KCNE4: variants seen among roughly 807,000 people sequenced by gnomAD.
KCNE4 encodes potassium voltage-gated channel subfamily E member 4.
Under a neutral mutation model 9.2 loss-of-function variants are expected in KCNE4, and 6 were observed. That is an observed-to-expected ratio of 0.65 (90% CI 0.36 to 1.29). The LOEUF (loss-of-function observed/expected upper bound fraction) is 1.29. Ranked by LOEUF, KCNE4 falls within the 50% of genes most tolerant of loss-of-function variation. The pLI, the probability that KCNE4 is intolerant of heterozygous loss-of-function variation, is 0.03. For synonymous variants in KCNE4, 115 were observed against 103.2 expected (o/e 1.11, Z -0.70); for missense variants, 222 against 228.8 (o/e 0.97, Z 0.19).
Position 223,053,124 on chromosome 2 carries a change from G to A in KCNE4, c.294G>A (p.Val98=), listed in dbSNP as rs528501802. Residue 98 remains valine (V), a synonymous_variant, in exon 2 of 2, where the codon GTG becomes GTA. Coordinates refer to ENST00000281830, the MANE Select transcript of KCNE4 (RefSeq NM_080671.4). The surrounding 1 kb of genome is among the most constrained non-coding windows in gnomAD (Gnocchi z 4.1). ...TGTCGGGCCTGAGGTCGGTGCAGGT[G>A]CCCCTGATGCTGAACATGCTGCAGG... ...PVVSGLRSVQ[V]PLMLNMLQES... 2.5e-6 allele frequency: 4 copies of A among 1,613,128 alleles called. No homozygotes were observed. Among genetic ancestry groups the A allele is most frequent in the South Asian group, 2.2e-5 (2 of 91,052 alleles).
chr2:223,053,156 T>C lies in KCNE4; in HGVS notation c.326T>C (p.Val109Ala). The change falls in exon 2 of 2, where the codon GTG becomes GCG. Residue 109 changes from valine to alanine, a missense_variant. Transcript: ENST00000281830. This position sits in a 1 kb window ranked among gnomAD's most constrained non-coding sequence, Gnocchi z 4.1. ...ATGCTGAACATGCTGCAGGAGAGCG[T>C]GGCGCCCGCGCTGTCCTGCACCCTC... ...PLMLNMLQES[V>A]APALSCTLCS... The C allele has an allele frequency of 2.5e-6, 4 of 1,611,642 alleles. No individual in the cohort carries two copies. Among genetic ancestry groups the C allele is most frequent in the Non-Finnish European group, 3.4e-6 (4 of 1,178,422 alleles).
At chr2:223,052,396 T>A in intron 1 of KCNE4, 122 bp downstream of exon 1, 1 of 787,030 alleles carries the variant, frequency 1.3e-6, no homozygotes, top group Non-Finnish European at 1.7e-6. Context: ...AAGGAAACAT[T>A]GTTTTGAATT....
chr2:223,055,259 G>A lies in KCNE4; in HGVS notation c.*1916G>A, dbSNP rs1396196506. On this transcript the variant is annotated 3_prime_UTR_variant, in exon 2 of 2. Coordinates refer to ENST00000281830, the MANE Select transcript of KCNE4 (RefSeq NM_080671.4). ...TAACAGTGTAGGAGCTGGTTTATCA[G>A]TCCGCTTTGACATACAGCTAAAGGA... is the stretch of plus-strand genomic sequence containing the variant. 6.0e-6 allele frequency: 1 copy of A among 166,912 alleles called. No individual in the cohort carries two copies. Among genetic ancestry groups the A allele is most frequent in the African/African-American group, 2.4e-5 (1 of 41,372 alleles). The allele number at this position is 166,912 out of a possible 1,614,324, so 10.3% of individuals were successfully genotyped here.
rs1240303933 is a variant in KCNE4, at chr2:223,053,320, G to T, written c.490G>T (p.Glu164Ter). Residue 164 changes from glutamate (E) to a stop codon, truncating the protein, a stop_gained, in exon 2 of 2, where the codon GAG becomes TAG. Coordinates refer to ENST00000281830, the MANE Select transcript of KCNE4 (RefSeq NM_080671.4). LOFTEE classifies it high-confidence loss of function. This position sits in a 1 kb window ranked among gnomAD's most constrained non-coding sequence, Gnocchi z 4.1. ...PLNESSEGSS[E>*]NIHQNS ...CAACGAGAGCAGCGAAGGGTCCTCG[G>T]AGAACATCCATCAGAATTCCTAGCA... is the stretch of plus-strand genomic sequence containing the variant. 2 of 1,613,854 alleles carry T rather than the reference G, an allele frequency of 1.2e-6. No individual in the cohort carries two copies.
Position 223,055,623 on chromosome 2 carries a change from CTGGGAA to C in KCNE4, c.*2281_*2286del, listed in dbSNP as rs1698755874. The C allele has an allele frequency of 6.2e-6, 1 of 161,456 alleles. No individual in the cohort carries two copies. The highest frequency in any genetic ancestry group is 1.5e-5 in the Non-Finnish European group (1 of 68,044). 10.0% of individuals were successfully genotyped at this position (161,456 alleles called of 1,614,324 possible). ...AATAAATAAACACATTTTTTCCCTC[CTGGGAA>C]GTCATGAATTCTTTGTTTGATTTTT... is the stretch of plus-strand genomic sequence containing the variant. On this transcript the variant is annotated 3_prime_UTR_variant, in exon 2 of 2. Coordinates refer to ENST00000281830, the MANE Select transcript of KCNE4 (RefSeq NM_080671.4).
intron 1 of KCNE4, 65 bp from the exon 2 acceptor site, chr2:223,052,743 G>C: frequency 6.4e-7 from 1 of 1,560,654 alleles, no homozygotes; most frequent in South Asian, 1.1e-5. Flanking sequence ...CACAAACCTC[G>C]TGCTCCCCCA....
At position 223,053,226 on chromosome 2, in the gene KCNE4, G is replaced by A. The variant is rs1304657160; in HGVS notation, c.396G>A (p.Pro132=). 1.2e-5 allele frequency: 20 copies of A among 1,613,712 alleles called. No homozygotes were observed. The highest frequency in any genetic ancestry group is 1.7e-5 in the Non-Finnish European group (20 of 1,179,964). The stretch of plus-strand genomic sequence containing the variant: ...GCGTGAGCTCCGAGTCCTCCTCCCC[G>A]GACGTGCACCTCACCATTCAGGAGG... ...GDSVSSESSS[P]DVHLTIQEEG... is the part of the protein sequence containing the mutation. Residue 132 remains proline, a synonymous_variant, in exon 2 of 2, where the codon CCG becomes CCA. Coordinates refer to ENST00000281830, the MANE Select transcript of KCNE4 (RefSeq NM_080671.4). The surrounding 1 kb of genome is among the most constrained non-coding windows in gnomAD (Gnocchi z 4.1).
rs1159984685 is a variant in KCNE4 at position 223,054,136 on chromosome 2, T to G, written c.*793T>G. Reference sequence around the variant, plus strand: ...CTCTTCCTGATCTTTCTAGAAGGGGTAAAGTGGGGTTGAACAAGGCCAAGC... The same window carrying G: ...CTCTTCCTGATCTTTCTAGAAGGGGGAAAGTGGGGTTGAACAAGGCCAAGC... On this transcript the variant is annotated 3_prime_UTR_variant, in exon 2 of 2. Coordinates refer to ENST00000281830, the MANE Select transcript of KCNE4 (RefSeq NM_080671.4). 6.0e-6 allele frequency: 1 copy of G among 166,756 alleles called. No homozygotes were observed. The highest frequency in any genetic ancestry group is 1.5e-5 in the Non-Finnish European group (1 of 68,094). The allele number at this position is 166,756 out of a possible 1,614,324, so 10.3% of individuals were successfully genotyped here.
chr2:223,053,789 G>C lies in KCNE4; in HGVS notation c.*446G>C, dbSNP rs115902079. On this transcript the variant is annotated 3_prime_UTR_variant, in exon 2 of 2. Transcript: ENST00000281830. The surrounding 1 kb of genome is among the most constrained non-coding windows in gnomAD (Gnocchi z 4.1). The stretch of plus-strand genomic sequence containing the variant: ...TTTGTCCTTCTAGATCTGATTGGCT[G>C]TAAGTATCTCTACTGTGTACCTGTG... 1,066 of 216,492 alleles carry C rather than the reference G, an allele frequency of 4.9e-3. 12 individuals are homozygous for C. The highest frequency in any genetic ancestry group is 0.023 in the African/African-American group (1,015 of 44,166). The allele number at this position is 216,492 out of a possible 1,614,324, so 13.4% of individuals were successfully genotyped here.
rs1009226629 is a variant in KCNE4 at position 223,054,481 on chromosome 2, A to C, written c.*1138A>C. 1 of 167,108 alleles carries C rather than the reference A, an allele frequency of 6.0e-6. No individual in the cohort carries two copies. Among genetic ancestry groups the C allele is most frequent in the African/African-American group, 2.4e-5 (1 of 41,456 alleles). The allele number at this position is 167,108 out of a possible 1,614,324, so 10.4% of individuals were successfully genotyped here. ...AGCCTGGTGTGAGGAAGCTTGGACCAAATGCTTCCCCTTTGGCCGGTTAGT... is the reference window on the plus strand; with the variant it reads ...AGCCTGGTGTGAGGAAGCTTGGACCCAATGCTTCCCCTTTGGCCGGTTAGT... On this transcript the variant is annotated 3_prime_UTR_variant, in exon 2 of 2. Transcript: ENST00000281830.
rs1278248007 is a variant in KCNE4, at chr2:223,054,558, A to G, written c.*1215A>G. ...GAGCAGTTGGAGATTCAGAACACAT[A>G]TAACTGGGGAATTCAGGGCAAGCTA... On this transcript the variant is annotated 3_prime_UTR_variant, in exon 2 of 2. Transcript: ENST00000281830. The G allele has an allele frequency of 1.2e-5, 2 of 167,102 alleles. No homozygotes were observed. Among genetic ancestry groups the G allele is most frequent in the African/African-American group, 2.4e-5 (1 of 41,460 alleles). The allele number at this position is 167,102 out of a possible 1,614,324, so 10.4% of individuals were successfully genotyped here. A position where few individuals can be genotyped will look rare whatever the true frequency, so the allele number is the denominator to read the frequency against.
Position 223,053,361 on chromosome 2 carries a change from C to T in KCNE4, c.*18C>T. On this transcript the variant is annotated 3_prime_UTR_variant, in exon 2 of 2. Coordinates refer to ENST00000281830, the MANE Select transcript of KCNE4 (RefSeq NM_080671.4). The surrounding 1 kb of genome is among the most constrained non-coding windows in gnomAD (Gnocchi z 4.1). ...ATTCCTAGCACCCCCGGGACCCCTG[C>T]CGGTGGCTCCATCAGCCAGCAACCT... is the stretch of plus-strand genomic sequence containing the variant. The T allele has an allele frequency of 1.9e-6, 3 of 1,608,238 alleles. No individual in the cohort carries two copies. The highest frequency in any genetic ancestry group is 2.2e-5 in the South Asian group (2 of 90,600).
chr2:223,053,726 C>T lies in KCNE4; in HGVS notation c.*383C>T, dbSNP rs1574612048. 2 of 288,478 alleles carry T rather than the reference C, an allele frequency of 6.9e-6. No individual in the cohort carries two copies. The highest frequency in any genetic ancestry group is 1.4e-5 in the Non-Finnish European group (2 of 138,896). The allele number at this position is 288,478 out of a possible 1,614,324, so 17.9% of individuals were successfully genotyped here. ...AGGGCTGCCGAATGCTTAGGACACG[C>T]TGAGAGACTAGTTGTGATTTGCTAT... is the stretch of plus-strand genomic sequence containing the variant. On this transcript the variant is annotated 3_prime_UTR_variant, in exon 2 of 2. Coordinates refer to ENST00000281830, the MANE Select transcript of KCNE4 (RefSeq NM_080671.4). The surrounding 1 kb of genome is among the most constrained non-coding windows in gnomAD (Gnocchi z 4.1).
At position 223,054,309 on chromosome 2, in the gene KCNE4, G is replaced by C. The variant is rs1698736366; in HGVS notation, c.*966G>C. 1 of 167,064 alleles carries C rather than the reference G, an allele frequency of 6.0e-6. No homozygotes were observed. The highest frequency in any genetic ancestry group is 2.4e-5 in the African/African-American group (1 of 41,442). 10.3% of individuals were successfully genotyped at this position (167,064 alleles called of 1,614,324 possible). A position where few individuals can be genotyped will look rare whatever the true frequency, so the allele number is the denominator to read the frequency against. Reference sequence around the variant, plus strand: ...CTGGGCTCCAAGTTCTGTGCTTCCTGATCCCGAGCCCTGACACTCATTTGC... The same window carrying C: ...CTGGGCTCCAAGTTCTGTGCTTCCTCATCCCGAGCCCTGACACTCATTTGC... On this transcript the variant is annotated 3_prime_UTR_variant, in exon 2 of 2. Transcript: ENST00000281830.
intron 1 of KCNE4, 28 bp downstream of exon 1, chr2:223,052,302 T>C: frequency 1.6e-6 from 2 of 1,237,264 alleles, no homozygotes; most frequent in Non-Finnish European, 2.0e-6. Flanking sequence ...CACTTTGCTT[T>C]CAGAAACATT....
In KCNE4 at chr2:223,054,925, T is replaced by C. The variant is rs1698744231; in HGVS notation, c.*1582T>C. The C allele has an allele frequency of 6.0e-6, 1 of 166,514 alleles. No homozygotes were observed. Among genetic ancestry groups the C allele is most frequent in the South Asian group, 2.1e-4 (1 of 4,826 alleles). The allele number at this position is 166,514 out of a possible 1,614,324, so 10.3% of individuals were successfully genotyped here. The stretch of plus-strand genomic sequence containing the variant: ...CAGGCTGGAGTGCAGTGGTGCAATC[T>C]TGGCTCACTGCAACCTCCACCTCCT... On this transcript the variant is annotated 3_prime_UTR_variant, in exon 2 of 2. Coordinates refer to ENST00000281830, the MANE Select transcript of KCNE4 (RefSeq NM_080671.4).
Position 223,053,261 on chromosome 2 carries a change from A to G in KCNE4, c.431A>G (p.Asp144Gly), listed in dbSNP as rs1167273542. ...CTCACCATTCAGGAGGAGGGGGCAG[A>G]CGATGAGCTGGAGGAGACCTCGGAG... ...VHLTIQEEGA[D>G]DELEETSETP... Residue 144 changes from aspartate to glycine, a missense_variant, in exon 2 of 2, where the codon GAC becomes GGC. Physicochemically the swap from Asp to Gly is moderately conservative, Grantham distance 94 (BLOSUM62 -1). Coordinates refer to ENST00000281830, the MANE Select transcript of KCNE4 (RefSeq NM_080671.4). The surrounding 1 kb of genome is among the most constrained non-coding windows in gnomAD (Gnocchi z 4.1). 6.2e-7 allele frequency: 1 copy of G among 1,614,012 alleles called. No individual in the cohort carries two copies. Among genetic ancestry groups the G allele is most frequent in the South Asian group, 1.1e-5 (1 of 91,074 alleles).
In KCNE4 at chr2:223,053,073, G is replaced by A. The variant is rs1290173008; in HGVS notation, c.243G>A (p.Gly81=). ...LLYKDEERLW[G]EAMKPLPVVS... is the part of the protein sequence containing the mutation. ...ACAAAGACGAGGAGCGGCTCTGGGGGGAGGCCATGAAGCCGCTGCCTGTGG... is the reference window on the plus strand; with the variant it reads ...ACAAAGACGAGGAGCGGCTCTGGGGAGAGGCCATGAAGCCGCTGCCTGTGG... Residue 81 remains glycine (G), a synonymous_variant, in exon 2 of 2, where the codon GGG becomes GGA. Coordinates refer to ENST00000281830, the MANE Select transcript of KCNE4 (RefSeq NM_080671.4). The surrounding 1 kb of genome is among the most constrained non-coding windows in gnomAD (Gnocchi z 4.1). 8 of 1,613,904 alleles carry A rather than the reference G, an allele frequency of 5.0e-6. No individual in the cohort carries two copies. In the Admixed American group the frequency reaches 1.3e-4, roughly 27 times the overall value.
In KCNE4 at chr2:223,055,280, A is replaced by G. The variant is rs1443488811; in HGVS notation, c.*1937A>G. The G allele has an allele frequency of 6.0e-6, 1 of 167,070 alleles. No individual in the cohort carries two copies. The highest frequency in any genetic ancestry group is 1.9e-4 in the East Asian group (1 of 5,196). 10.3% of individuals were successfully genotyped at this position (167,070 alleles called of 1,614,324 possible). On this transcript the variant is annotated 3_prime_UTR_variant, in exon 2 of 2. Coordinates refer to ENST00000281830, the MANE Select transcript of KCNE4 (RefSeq NM_080671.4). ...ATCAGTCCGCTTTGACATACAGCTA[A>G]AGGAAATTTATGTTTGGGGGAAAAA...
Sources: gnomAD v4.1 joint callset for allele counts on GRCh38, gnomAD v4.1.1 for gene constraint, Gnocchi (gnomAD v3.1) non-coding constraint, MANE v1.5 for transcripts, NCBI Gene and HGNC (gene_info 2026-07-23, HGNC 2026-07-21) for gene names.